The following PPP1R13B variants were observed in gnomAD, a reference collection of about 807,000 sequenced individuals.
PPP1R13B encodes the protein apoptosis-stimulating of p53 protein 1.
A neutral mutation model predicts 119.8 loss-of-function variants in PPP1R13B; 44 were observed. That is an observed-to-expected ratio of 0.37 (90% confidence interval 0.29 to 0.47). The LOEUF is 0.47. Ranked by LOEUF, PPP1R13B falls within the 20% of genes least tolerant of loss-of-function variation. PPP1R13B has a pLI of 0.99. For missense variants in PPP1R13B, 1,227 were observed against 1,413.5 expected (o/e 0.87, Z 2.12); for synonymous variants, 542 against 561.5 (o/e 0.97, Z 0.49).
rs200438889 is a variant in PPP1R13B, at chr14:103,735,207, C to G, written c.3232-12G>C. ...ATCCGTGGATACAGCTGGGAAGCAA[C>G]GGAGCCGCGTCAGGACAGGAAGCCA... is the stretch of plus-strand genomic sequence containing the variant. On this transcript the variant is annotated splice_polypyrimidine_tract_variant and intron_variant, in intron 16 of 16. Transcript: ENST00000202556. 1.3e-5 allele frequency: 21 copies of G among 1,613,866 alleles called. No individual in the cohort carries two copies. The East Asian group carries it at 2.9e-4, about 22-fold the overall frequency.
intron 4 of PPP1R13B, among the ~76,000 whole-genome samples, chr14:103,767,704 A>G (rs1815062724): frequency 6.6e-6 from 1 of 151,640 alleles, no homozygotes; most frequent in Non-Finnish European, 1.5e-5. Context: ...GTCCCCTCTC[A>G]GTGTCTCCTC....
At chr14:103,828,370 C>CAA (rs35467099) in intron 1 of PPP1R13B, among the ~76,000 whole-genome samples, 4,506 of 102,086 alleles carry the variant, frequency 0.044, 155 homozygotes, top group African/African-American at 0.097. Context: ...ACTCTGTCTC[C>CAA]AAAAAAAAAA....
chr14:103,740,407 A>C lies in PPP1R13B; in HGVS notation c.2009T>G (p.Leu670Arg). ...GSTVESLPRP[L>R]SPTKLTPIVH... The stretch of plus-strand genomic sequence containing the variant: ...GATGGGCGTGAGCTTGGTGGGGCTG[A>C]GTGGCCGTGGCAGGCTCTCCACGGT... Residue 670 changes from leucine to arginine, a missense_variant, in exon 12 of 17, where the codon CTC (leucine) becomes CGC (arginine). Transcript: ENST00000202556. This position sits in a 1 kb window ranked among gnomAD's most constrained non-coding sequence, Gnocchi z 4.6. The C allele has an allele frequency of 1.3e-6, 2 of 1,582,530 alleles. No homozygotes were observed. Among genetic ancestry groups the C allele is most frequent in the Non-Finnish European group, 1.7e-6 (2 of 1,161,348 alleles).
intron 7 of PPP1R13B, 39 bp downstream of exon 7, chr14:103,752,961 G>T: frequency 6.3e-7 from 1 of 1,584,900 alleles, no homozygotes; most frequent in Non-Finnish European, 8.6e-7. Flanking sequence ...AGAAAGATGA[G>T]AATGTTTTAA....
In PPP1R13B at chr14:103,745,883, G is replaced by A. The variant is rs2084374051; in HGVS notation, c.1150+490C>T. Among the ~76,000 whole-genome samples the A allele has an allele frequency of 2.0e-5, 3 of 152,172 alleles. No homozygotes were observed. In the South Asian group the frequency reaches 6.2e-4, roughly 32 times the overall value. On this transcript the variant is annotated intron_variant, in intron 9 of 16. Transcript: ENST00000202556. ...TGAAGCACAGTGGCACGATCTCACT[G>A]CAACCTCCGCCTCCCAGGTTCAAGT...
At chr14:103,814,302 T>C (rs1301141132) in intron 1 of PPP1R13B, among the ~76,000 whole-genome samples, 1 of 152,200 alleles carries the variant, frequency 6.6e-6, no homozygotes, top group East Asian at 1.9e-4. Context: ...TGAGCCGAGA[T>C]TGCCCCACTG....
intron 1 of PPP1R13B, among the ~76,000 whole-genome samples, chr14:103,823,063 G>A (rs2152070729): frequency 6.6e-6 from 1 of 151,702 alleles, no homozygotes; most frequent in African/African-American, 2.4e-5. Flanking sequence ...ATTTGGCCGG[G>A]CACAGTGGCT....
At chr14:103,779,392 CTTG>C (rs2085286852) in intron 3 of PPP1R13B, among the ~76,000 whole-genome samples, 1 of 152,236 alleles carries the variant, frequency 6.6e-6, no homozygotes, top group Non-Finnish European at 1.5e-5. Flanking sequence ...TTGAAATTGA[CTTG>C]TTATCAAAAG....
intron 1 of PPP1R13B, among the ~76,000 whole-genome samples, chr14:103,801,737 C>A (rs762110184): frequency 6.6e-6 from 1 of 152,104 alleles, no homozygotes; most frequent in Non-Finnish European, 1.5e-5. Flanking sequence ...GCATAGGAGG[C>A]ACACTAAAAT....
rs1409762062 is a variant in PPP1R13B, at chr14:103,738,974, C to T, written c.2642G>A (p.Gly881Glu). 1.2e-6 allele frequency: 2 copies of T among 1,614,092 alleles called. No homozygotes were observed. The highest frequency in any genetic ancestry group is 1.7e-5 in the Admixed American group (1 of 60,032). Reference sequence around the variant, plus strand: ...CAGGGGGTTAAACCGGACTCTCAGCCCGTGCCCCGTCCGCTCCGAGTTGGG... The same window carrying T: ...CAGGGGGTTAAACCGGACTCTCAGCTCGTGCCCCGTCCGCTCCGAGTTGGG... ...KKPNSERTGH[G>E]LRVRFNPLAL... is the part of the protein sequence containing the mutation. Residue 881 changes from glycine to glutamate, a missense_variant, in exon 13 of 17, where the codon GGG becomes GAG. Physicochemically the swap from Gly to Glu is moderately conservative, Grantham distance 98. Coordinates refer to ENST00000202556, the MANE Select transcript of PPP1R13B (RefSeq NM_015316.3). The surrounding 1 kb of genome is among the most constrained non-coding windows in gnomAD (Gnocchi z 5.6).
intron 1 of PPP1R13B, among the ~76,000 whole-genome samples, chr14:103,810,528 C>A (rs557041102): frequency 1.1e-4 from 17 of 152,008 alleles, no homozygotes; most frequent in African/African-American, 4.1e-4. Context: ...AATCCCAGCA[C>A]TTTGGGAGGC....
intron 1 of PPP1R13B, among the ~76,000 whole-genome samples, chr14:103,798,063 GA>G (rs1335029198): frequency 1.3e-5 from 2 of 151,648 alleles, no homozygotes; most frequent in East Asian, 3.9e-4. Flanking sequence ...TATAGCTTTG[GA>G]ATAAAGGTGC....
chr14:103,847,783 GGACGCGCAGT>G (rs1022561519), upstream of PPP1R13B: 42 of 299,540 alleles, frequency 1.4e-4, no homozygotes, highest in African/African-American at 9.5e-4. Flanking sequence ...GGGGAGGGGC[GGACGCGCAGT>G]GGGCACCGGT....
At chr14:103,810,233 C>G (rs1380559057) in intron 1 of PPP1R13B, among the ~76,000 whole-genome samples, 1 of 151,022 alleles carries the variant, frequency 6.6e-6, no homozygotes, top group Non-Finnish European at 1.5e-5. Flanking sequence ...ACCAGCCTGG[C>G]CAACATGGTG....
intron 4 of PPP1R13B, among the ~76,000 whole-genome samples, chr14:103,767,260 A>C (rs1170382206): frequency 2.0e-5 from 3 of 152,144 alleles, no homozygotes; most frequent in Non-Finnish European, 2.9e-5. Flanking sequence ...GCTGCAGTGA[A>C]CTATGATTGC....
At chr14:103,784,728 T>C in intron 3 of PPP1R13B, 67 bp downstream of exon 3, 2 of 1,476,942 alleles carry the variant, frequency 1.4e-6, no homozygotes, top group Non-Finnish European at 1.8e-6. Flanking sequence ...TTAATATTTA[T>C]TCCTATTTTT....
upstream of PPP1R13B, chr14:103,848,529 G>A (rs1367353127): frequency 3.1e-6 from 3 of 977,546 alleles, no homozygotes; most frequent in East Asian, 3.4e-4. Flanking sequence ...CAGGGGGACT[G>A]AGGTGCTCCC....
At chr14:103,767,300 C>G (rs777326497) in intron 4 of PPP1R13B, among the ~76,000 whole-genome samples, 1 of 151,984 alleles carries the variant, frequency 6.6e-6, no homozygotes, top group Non-Finnish European at 1.5e-5. Context: ...GGCAACAGAG[C>G]GAAACCCTGT....
intron 1 of PPP1R13B, among the ~76,000 whole-genome samples, chr14:103,801,803 G>A (rs1291706502): frequency 6.6e-6 from 1 of 152,056 alleles, no homozygotes; most frequent in Admixed American, 6.6e-5. Flanking sequence ...GCCCTAAGTT[G>A]AGAAAAAATA....
Sources: gnomAD v4.1 joint callset for allele counts (sites outside exome capture counted in the v4.1 genomes callset) on GRCh38, gnomAD v4.1.1 for gene constraint, Gnocchi (gnomAD v3.1) non-coding constraint, MANE v1.5 for transcripts, NCBI Gene and HGNC (gene_info 2026-07-23, HGNC 2026-07-21) for gene names.